Variants in ROCK2 observed in about 807,000 individuals in gnomAD.
ROCK2 encodes the protein rho-associated protein kinase 2.
A neutral mutation model predicts 195.1 loss-of-function variants in ROCK2; 61 were observed. The ratio of observed to expected loss-of-function variants is 0.31; its 90% confidence interval spans 0.25 to 0.39. The LOEUF (loss-of-function observed/expected upper bound fraction) is 0.39. Among genes scored for constraint, ROCK2 ranks in the 10% least tolerant of loss-of-function variants. The pLI is 1.00. For synonymous variants in ROCK2, 504 were observed against 545.5 expected, an observed-to-expected ratio of 0.92 and a Z score of 1.06; for missense variants, 1,109 against 1,637.4, an observed-to-expected ratio of 0.68 and a Z score of 5.57.
rs188469889 is a variant in ROCK2, at chr2:11,208,403, C to A, written c.2248G>T (p.Val750Leu). 4 of 1,551,792 alleles carry A rather than the reference C, an allele frequency of 2.6e-6. No individual in the cohort carries two copies. The East Asian group carries it at 6.9e-5, about 27-fold the overall frequency. The change falls in exon 19 of 33, where the codon GTG becomes TTG. Residue 750 changes from valine to leucine, a missense_variant. By Grantham distance (32) the Val-to-Leu change is conservative. Around this residue, in one of 6 missense-constraint regions of ROCK2, gnomAD observed 542 missense variants for 672.0 expected, o/e 0.81. Coordinates refer to ENST00000315872, the MANE Select transcript of ROCK2 (RefSeq NM_004850.5). ...LLEERTLKQK[V>L]ENLLLEAEKR... ...TCAGCTTCTAGCAATAGGTTCTCCA[C>A]TTTCTGTTTTAAAGTTCTTTCCTCC...
intron 32 of ROCK2, among the ~76,000 whole-genome samples, chr2:11,190,964 T>C (rs1663400775): frequency 6.6e-6 from 1 of 152,186 alleles, no homozygotes; most frequent in Non-Finnish European, 1.5e-5. Flanking sequence ...ACACAAAATA[T>C]TCAACATTTT....
At chr2:11,215,465 CTT>C in intron 14 of ROCK2, 43 bp downstream of exon 14, 4 of 1,607,068 alleles carry the variant, frequency 2.5e-6, no homozygotes, top group Non-Finnish European at 3.4e-6. Flanking sequence ...CATACACACA[CTT>C]AATTTTTTTC....
In ROCK2 at chr2:11,184,845, A is replaced by G. The variant is rs367848031; in HGVS notation, c.4164-1405T>C. On this transcript the variant is annotated intron_variant, in intron 32 of 32. Coordinates refer to ENST00000315872, the MANE Select transcript of ROCK2 (RefSeq NM_004850.5). The stretch of plus-strand genomic sequence containing the variant: ...AACTTAATGTTATGACTTAGAAATC[A>G]TACTTTGAATGTGCTTGTAAGCATT... The G allele has an allele frequency of 2.4e-5, 18 of 756,048 alleles. No individual in the cohort carries two copies. In the East Asian group the frequency reaches 2.3e-3, roughly 98 times the overall value. 46.8% of individuals were successfully genotyped at this position (756,048 alleles called of 1,614,324 possible).
intron 1 of ROCK2, among the ~76,000 whole-genome samples, chr2:11,336,378 C>T (rs976767806): frequency 3.9e-5 from 6 of 152,130 alleles, no homozygotes; most frequent in Non-Finnish European, 8.8e-5. Flanking sequence ...GCCTCCTGGG[C>T]AGCTAGGATC....
intron 1 of ROCK2, among the ~76,000 whole-genome samples, chr2:11,310,985 T>C (rs79270857): frequency 0.038 from 5,713 of 151,534 alleles, 126 homozygotes; most frequent in African/African-American, 0.05. Flanking sequence ...AGCCACAGCC[T>C]GCATCCTAGA....
intron 3 of ROCK2, among the ~76,000 whole-genome samples, 198 bp downstream of exon 3, chr2:11,286,341 T>C (rs1245862616): frequency 1.3e-5 from 2 of 151,230 alleles, no homozygotes; most frequent in Non-Finnish European, 2.9e-5. Flanking sequence ...CCTTATTTTC[T>C]ACAATGTGTT....
rs1297855346 is a variant in ROCK2, at chr2:11,338,279, G to A, written c.141+5717C>T. Reference sequence around the variant, plus strand: ...GGAAGGATCATTGAGACCAGGAGTTGAAGGTTATAGTGCGCTATGACTACA... The same window carrying A: ...GGAAGGATCATTGAGACCAGGAGTTAAAGGTTATAGTGCGCTATGACTACA... On this transcript the variant is annotated intron_variant, in intron 1 of 32. Coordinates refer to ENST00000315872, the MANE Select transcript of ROCK2 (RefSeq NM_004850.5). Among the ~76,000 whole-genome samples, 29 of 152,174 alleles carry A rather than the reference G, an allele frequency of 1.9e-4. No homozygotes were observed. The East Asian group carries it at 5.6e-3, about 29-fold the overall frequency.
At chr2:11,325,749 A>C (rs1290827337) in intron 1 of ROCK2, among the ~76,000 whole-genome samples, 1 of 152,242 alleles carries the variant, frequency 6.6e-6, no homozygotes, top group African/African-American at 2.4e-5. Flanking sequence ...GTCTGGCTGG[A>C]GAGTAGAAAA....
intron 27 of ROCK2, among the ~76,000 whole-genome samples, chr2:11,196,893 AT>A (rs561921200): frequency 1.1e-3 from 171 of 152,340 alleles, no homozygotes; most frequent in African/African-American, 4.1e-3. Flanking sequence ...GGAAGTAAGA[AT>A]GCAGAAAGAA....
At chr2:11,204,219 C>G (rs932331596) in intron 20 of ROCK2, among the ~76,000 whole-genome samples, 4 of 152,142 alleles carry the variant, frequency 2.6e-5, no homozygotes, top group Non-Finnish European at 5.9e-5. Flanking sequence ...TCCCTGTTGT[C>G]AGACTTGAAT....
intron 3 of ROCK2, among the ~76,000 whole-genome samples, chr2:11,270,989 A>G (rs1005938843): frequency 2.0e-5 from 3 of 150,326 alleles, no homozygotes; most frequent in African/African-American, 7.4e-5. Flanking sequence ...AATGTTTCCT[A>G]TAGTTTTAGG....
At chr2:11,322,052 G>T (rs1007326879) in intron 1 of ROCK2, among the ~76,000 whole-genome samples, 7 of 152,058 alleles carry the variant, frequency 4.6e-5, no homozygotes, top group Non-Finnish European at 8.8e-5. Context: ...AAGAGGAAAG[G>T]CCACGTGAGG....
chr2:11,327,914 A>G (rs941682961), intron 1 of ROCK2, among the ~76,000 whole-genome samples: 1 of 152,146 alleles, frequency 6.6e-6, no homozygotes, highest in Non-Finnish European at 1.5e-5. Flanking sequence ...TAAAAAATGA[A>G]GTTTGTTTTA....
intron 5 of ROCK2, among the ~76,000 whole-genome samples, chr2:11,228,772 CAG>C (rs1331251916): frequency 6.6e-6 from 1 of 152,048 alleles, no homozygotes; most frequent in East Asian, 1.9e-4. Context: ...GACACACACA[CAG>C]ACAGACACAA....
chr2:11,257,341 C>A (rs1263989208), intron 3 of ROCK2, among the ~76,000 whole-genome samples: 1 of 151,350 alleles, frequency 6.6e-6, no homozygotes, highest in Non-Finnish European at 1.5e-5. Flanking sequence ...GCTGCAGTGG[C>A]GGCGTCACGA....
rs151075249 is a variant in ROCK2 at position 11,189,156 on chromosome 2, T to C, written c.4163+2992A>G. Among the ~76,000 whole-genome samples the C allele has an allele frequency of 1.2e-4, 18 of 152,308 alleles. No homozygotes were observed. In the East Asian group the frequency reaches 3.3e-3, roughly 28 times the overall value. ...TAAGTGAACATTTATGGGTTCACTT[T>C]ATATTTGATGTATCTAACAAAGCCA... On this transcript the variant is annotated intron_variant, in intron 32 of 32. Coordinates refer to ENST00000315872, the MANE Select transcript of ROCK2 (RefSeq NM_004850.5).
At chr2:11,199,559 G>A (rs909212656) in intron 23 of ROCK2, among the ~76,000 whole-genome samples, 1 of 151,702 alleles carries the variant, frequency 6.6e-6, no homozygotes, top group Non-Finnish European at 1.5e-5. Context: ...CAAACTCCTG[G>A]AGCTCAAGCA....
chr2:11,238,209 AGTGT>A (rs6146630), intron 4 of ROCK2, among the ~76,000 whole-genome samples: 43 of 135,364 alleles, frequency 3.2e-4, no homozygotes, highest in African/African-American at 6.4e-4. Flanking sequence ...ATTGAGAAAG[AGTGT>A]GTGTGTGTGT....
At chr2:11,231,003 CA>C (rs1664987928) in intron 5 of ROCK2, among the ~76,000 whole-genome samples, 1 of 151,884 alleles carries the variant, frequency 6.6e-6, no homozygotes, top group Non-Finnish European at 1.5e-5. Flanking sequence ...ATACATTTAG[CA>C]AATACATATT....
Sources: allele counts gnomAD v4.1 joint callset (sites outside exome capture counted in the v4.1 genomes callset), GRCh38; gene constraint gnomAD v4.1.1; regional missense constraint gnomAD v4.1.1; transcripts MANE v1.5; gene names NCBI Gene and HGNC (gene_info 2026-07-23, HGNC 2026-07-21).